Variants in OLFM3 observed in about 807,000 individuals in gnomAD.
OLFM3 encodes noelin-3.
In OLFM3, 20 loss-of-function variants were observed where a neutral mutation model predicts 48.6. The ratio of observed to expected loss-of-function variants is 0.41; its 90% CI spans 0.29 to 0.60. The LOEUF is 0.60. Among genes scored for constraint, OLFM3 ranks in the 20% least tolerant of loss-of-function variants. The pLI, the probability that OLFM3 is intolerant of heterozygous loss-of-function variation, is 0.28. For synonymous variants in OLFM3, 222 were observed against 198.1 expected (o/e 1.12, Z -1.01); for missense variants, 437 against 544.3 (o/e 0.80, Z 1.96).
At chr1:101,950,957 A>G (rs923592824) in intron 1 of OLFM3, among the ~76,000 whole-genome samples, 1 of 152,196 alleles carries the variant, frequency 6.6e-6, no homozygotes, top group African/African-American at 2.4e-5. Flanking sequence ...TCGATGTCCC[A>G]GTTTCTCTAT....
intron 1 of OLFM3, among the ~76,000 whole-genome samples, chr1:101,877,546 T>A (rs7524841): frequency 0.023 from 3,449 of 152,056 alleles, 141 homozygotes; most frequent in African/African-American, 0.079. Context: ...GTTACTTTTG[T>A]ATATTTTAAT....
At chr1:101,940,423 G>T (rs1659753677) in intron 1 of OLFM3, among the ~76,000 whole-genome samples, 1 of 144,250 alleles carries the variant, frequency 6.9e-6, no homozygotes, top group Admixed American at 7.0e-5. Flanking sequence ...TCTAGGCCTT[G>T]ATTTTTTAAA....
intron 1 of OLFM3, among the ~76,000 whole-genome samples, chr1:101,911,718 G>C (rs1455169290): frequency 6.6e-6 from 1 of 152,164 alleles, no homozygotes; most frequent in Non-Finnish European, 1.5e-5. Flanking sequence ...AATTCTCAGA[G>C]AGGAGGAAAT....
chr1:101,864,361 T>G (rs1656776846), intron 1 of OLFM3, among the ~76,000 whole-genome samples: 1 of 152,202 alleles, frequency 6.6e-6, no homozygotes, highest in Non-Finnish European at 1.5e-5. Flanking sequence ...CCTGTGTTAC[T>G]CCCTAATTGT....
intron 4 of OLFM3, among the ~76,000 whole-genome samples, chr1:101,824,414 G>A (rs1420552433): frequency 6.6e-6 from 1 of 152,106 alleles, no homozygotes; most frequent in African/African-American, 2.4e-5. Context: ...CATTTTAGGA[G>A]GTAAGAAGTA....
chr1:101,830,573 A>C (rs1655096142), intron 3 of OLFM3, 99 bp downstream of exon 3: 1 of 1,263,142 alleles, frequency 7.9e-7, no homozygotes, highest in Admixed American at 1.8e-5. Context: ...CCTTGCACAT[A>C]TGGGCCAATG....
chr1:101,816,486 G>A (rs1326904418), intron 4 of OLFM3, among the ~76,000 whole-genome samples: 2 of 152,150 alleles, frequency 1.3e-5, no homozygotes, highest in African/African-American at 4.8e-5. Flanking sequence ...ATTTTTGTGT[G>A]TGAGTGTCTG....
chr1:101,928,408 G>A (rs1036645165), intron 1 of OLFM3, among the ~76,000 whole-genome samples: 2 of 152,130 alleles, frequency 1.3e-5, no homozygotes, highest in African/African-American at 4.8e-5. Context: ...TCTACAAAAT[G>A]AGAGAAATAG....
chr1:101,837,382 T>G (rs570318110), intron 1 of OLFM3, among the ~76,000 whole-genome samples: 1 of 150,910 alleles, frequency 6.6e-6, no homozygotes, highest in Non-Finnish European at 1.5e-5. Flanking sequence ...ACATAAGATC[T>G]TCTTAACAGT....
chr1:101,808,137 ATG>A (rs1163255341), intron 4 of OLFM3, among the ~76,000 whole-genome samples: 3 of 31,972 alleles, frequency 9.4e-5, no homozygotes, highest in East Asian at 3.0e-3. Context: ...GTCATAAAAC[ATG>A]TGATTTTTTT....
intron 1 of OLFM3, among the ~76,000 whole-genome samples, chr1:101,986,525 T>C (rs927918317): frequency 2.6e-5 from 4 of 152,208 alleles, no homozygotes; most frequent in African/African-American, 9.6e-5. Flanking sequence ...TTCTCTGATT[T>C]GGTATGATTT....
intron 1 of OLFM3, among the ~76,000 whole-genome samples, chr1:101,848,413 G>A (rs909472277): frequency 3.3e-5 from 5 of 152,002 alleles, no homozygotes; most frequent in Non-Finnish European, 7.4e-5. Flanking sequence ...TTTATAGTGT[G>A]TGTATATTTT....
intron 1 of OLFM3, among the ~76,000 whole-genome samples, chr1:101,970,203 G>T (rs2101095381): frequency 6.6e-6 from 1 of 152,214 alleles, no homozygotes; most frequent in Admixed American, 6.5e-5. Context: ...TTTTAGTAGA[G>T]TTGGGGTTTC....
intron 4 of OLFM3, chr1:101,812,454 C>A: frequency 4.1e-6 from 4 of 985,322 alleles, no homozygotes; most frequent in Non-Finnish European, 4.8e-6. Flanking sequence ...CAAGAAGACA[C>A]AATTCTGGTA....
At chr1:101,948,647 T>C (rs1660030393) in intron 1 of OLFM3, among the ~76,000 whole-genome samples, 6 of 152,040 alleles carry the variant, frequency 3.9e-5, no homozygotes. Context: ...TAAGTCTCAC[T>C]GAAACACATT....
intron 1 of OLFM3, among the ~76,000 whole-genome samples, chr1:101,950,874 A>G (rs1025643253): frequency 6.6e-6 from 1 of 152,230 alleles, no homozygotes; most frequent in Admixed American, 6.5e-5. Context: ...CTCAATAAAT[A>G]CTTATTGATT....
At chr1:101,921,200 T>TAC (rs142071103) in intron 1 of OLFM3, among the ~76,000 whole-genome samples, 4,294 of 148,110 alleles carry the variant, frequency 0.029, 161 homozygotes, top group African/African-American at 0.088. Flanking sequence ...TTTAAGTTTA[T>TAC]ACACACACAC....
intron 1 of OLFM3, among the ~76,000 whole-genome samples, chr1:101,911,878 C>T (rs1342654052): frequency 6.6e-6 from 1 of 152,166 alleles, no homozygotes; most frequent in Admixed American, 6.5e-5. Context: ...AACTTTCTCC[C>T]ATATCTTGAA....
intron 1 of OLFM3, among the ~76,000 whole-genome samples, chr1:101,914,221 G>T (rs1214639840): frequency 1.3e-5 from 2 of 152,122 alleles, no homozygotes; most frequent in Admixed American, 1.3e-4. Context: ...CCATCATCAT[G>T]AAGGCATTCT....
Sources: gnomAD v4.1 joint callset for allele counts (sites outside exome capture counted in the v4.1 genomes callset) on GRCh38, gnomAD v4.1.1 for gene constraint, MANE v1.5 for transcripts, NCBI Gene and HGNC (gene_info 2026-07-23, HGNC 2026-07-21) for gene names.